SERTAD2: variants seen among roughly 807,000 people sequenced by gnomAD.
SERTAD2 encodes the protein SERTA domain-containing protein 2.
Under a neutral mutation model 15.4 loss-of-function variants are expected in SERTAD2, and 2 were observed. The ratio of observed to expected loss-of-function variants is 0.13; its 90% CI spans 0.05 to 0.41. The LOEUF (loss-of-function observed/expected upper bound fraction) is 0.41, where lower values mean the gene tolerates loss of function less well. Ranked by LOEUF, SERTAD2 falls within the 10% of genes least tolerant of loss-of-function variation. The pLI, the probability that SERTAD2 is intolerant of heterozygous loss-of-function variation, is 0.99. For missense variants in SERTAD2, 333 were observed against 409.7 expected (o/e 0.81, Z 1.62); for synonymous variants, 180 against 178.0 (o/e 1.01, Z -0.09).
In SERTAD2 at chr2:64,632,745, C is replaced by A. The variant is rs1674563862; in HGVS notation, c.*3182G>T. 2 of 152,604 alleles carry A rather than the reference C, an allele frequency of 1.3e-5. No individual in the cohort carries two copies. The highest frequency in any genetic ancestry group is 4.8e-5 in the African/African-American group (2 of 41,444). 9.5% of individuals were successfully genotyped at this position (152,604 alleles called of 1,614,324 possible). On this transcript the variant is annotated 3_prime_UTR_variant, in exon 2 of 2. Coordinates refer to ENST00000313349, the MANE Select transcript of SERTAD2 (RefSeq NM_014755.3). ...GACCTGGGGGCCTGGCTTGGACCCC[C>A]TTTTAATACAGATTTACATTCCTAC... is the stretch of plus-strand genomic sequence containing the variant.
intron 1 of SERTAD2, among the ~76,000 whole-genome samples, chr2:64,639,204 G>A (rs1447070672): frequency 6.6e-6 from 1 of 152,216 alleles, no homozygotes; most frequent in Admixed American, 6.5e-5. Flanking sequence ...TTCTCAAAGT[G>A]TGGCCACAGA....
At chr2:64,649,024 C>A (rs573030072) in intron 1 of SERTAD2, among the ~76,000 whole-genome samples, 1 of 152,134 alleles carries the variant, frequency 6.6e-6, no homozygotes, top group South Asian at 2.1e-4. Context: ...GATGTCCCCT[C>A]AAAGAAGGAA....
chr2:64,640,271 G>A (rs1218386102), intron 1 of SERTAD2, among the ~76,000 whole-genome samples: 1 of 152,202 alleles, frequency 6.6e-6, no homozygotes, highest in East Asian at 1.9e-4. Flanking sequence ...TCCTAGAGGG[G>A]GAGGGCAGTG....
chr2:64,641,525 G>C (rs74868360), intron 1 of SERTAD2, among the ~76,000 whole-genome samples: 1 of 152,182 alleles, frequency 6.6e-6, no homozygotes, highest in African/African-American at 2.4e-5. Context: ...TGTACCCTCA[G>C]CATAAGGTAG....
Position 64,636,303 on chromosome 2 carries a change from G to C in SERTAD2, c.569C>G (p.Thr190Arg), listed in dbSNP as rs760446863. The C allele has an allele frequency of 6.2e-7, 1 of 1,614,190 alleles. No individual in the cohort carries two copies. Among genetic ancestry groups the C allele is most frequent in the South Asian group, 1.1e-5 (1 of 91,086 alleles). Residue 190 changes from threonine to arginine, a missense_variant, in exon 2 of 2, where the codon ACG becomes AGG. Physicochemically the swap from Thr to Arg is moderately conservative, Grantham distance 71 (BLOSUM62 -1). Around this residue, in one of 2 missense-constraint regions of SERTAD2, gnomAD observed 332 missense variants for 392.9 expected, o/e 0.84. Coordinates refer to ENST00000313349, the MANE Select transcript of SERTAD2 (RefSeq NM_014755.3). ...CPTSTSTEAA[T>R]AATDSVKGTS... ...CCCTTTCACACTGTCAGTCGCAGCC[G>C]TGGCCGCCTCTGTGGAGGTAGATGT...
intron 1 of SERTAD2, among the ~76,000 whole-genome samples, chr2:64,649,552 G>A (rs1165004354): frequency 6.6e-6 from 1 of 152,158 alleles, no homozygotes; most frequent in African/African-American, 2.4e-5. Flanking sequence ...AGAATGCTTA[G>A]CTTCTTTTCA....
In SERTAD2 at chr2:64,632,430, A is replaced by T. The variant is rs1674554061; in HGVS notation, c.*3497T>A. 6.6e-6 allele frequency: 1 copy of T among 152,394 alleles called. No homozygotes were observed. The allele number at this position is 152,394 out of a possible 1,614,324, so 9.4% of individuals were successfully genotyped here. ...TGATTGACCTCAGGGCAGCTGGGGC[A>T]CTCCAAGGGGCTATGGCGATAAAAA... is the stretch of plus-strand genomic sequence containing the variant. On this transcript the variant is annotated 3_prime_UTR_variant, in exon 2 of 2. Transcript: ENST00000313349.
At chr2:64,649,945 G>T (rs186419340) in intron 1 of SERTAD2, among the ~76,000 whole-genome samples, 3 of 152,246 alleles carry the variant, frequency 2.0e-5, no homozygotes, top group African/African-American at 7.2e-5. Flanking sequence ...GTGTGCAAGT[G>T]TAAGAATAGG....
chr2:64,641,179 C>T (rs775092759), intron 1 of SERTAD2, among the ~76,000 whole-genome samples: 2 of 152,236 alleles, frequency 1.3e-5, no homozygotes, highest in African/African-American at 2.4e-5. Context: ...TGCAACTTTT[C>T]ATTAGGAAGG....
chr2:64,634,060 A>G lies in SERTAD2; in HGVS notation c.*1867T>C. ...GAAAGACCCAATTTTATCCATGGCA[A>G]GAAGTGAGCAGAATTGGTGACTGAA... On this transcript the variant is annotated 3_prime_UTR_variant, in exon 2 of 2. Coordinates refer to ENST00000313349, the MANE Select transcript of SERTAD2 (RefSeq NM_014755.3). 6.6e-6 allele frequency: 1 copy of G among 152,628 alleles called. No homozygotes were observed. The highest frequency in any genetic ancestry group is 1.5e-5 in the Non-Finnish European group (1 of 68,036). The allele number at this position is 152,628 out of a possible 1,614,324, so 9.5% of individuals were successfully genotyped here. A position where few individuals can be genotyped will look rare whatever the true frequency, so the allele number is the denominator to read the frequency against.
intron 1 of SERTAD2, among the ~76,000 whole-genome samples, chr2:64,649,302 G>A (rs1056546937): frequency 6.6e-6 from 1 of 152,214 alleles, no homozygotes; most frequent in African/African-American, 2.4e-5. Context: ...ATAAGCAGCC[G>A]GCCGGAGCAG....
At position 64,633,716 on chromosome 2, in the gene SERTAD2, G is replaced by A. The variant is rs1402626026; in HGVS notation, c.*2211C>T. The A allele has an allele frequency of 1.3e-5, 2 of 152,198 alleles. No individual in the cohort carries two copies. Among genetic ancestry groups the A allele is most frequent in the Non-Finnish European group, 2.9e-5 (2 of 68,042 alleles). 9.4% of individuals were successfully genotyped at this position (152,198 alleles called of 1,614,324 possible). On this transcript the variant is annotated 3_prime_UTR_variant, in exon 2 of 2. Coordinates refer to ENST00000313349, the MANE Select transcript of SERTAD2 (RefSeq NM_014755.3). ...CCCTCACCTCAGTTACATGGTCCCT[G>A]GTCCTATTAAAGGAAATGACACACC...
chr2:64,643,820 C>A (rs1056582988), intron 1 of SERTAD2, among the ~76,000 whole-genome samples: 2 of 152,044 alleles, frequency 1.3e-5, no homozygotes, highest in Non-Finnish European at 2.9e-5. Context: ...GAGCCGAGAT[C>A]GCGCCACTGC....
chr2:64,646,148 C>CA (rs561586361), intron 1 of SERTAD2, among the ~76,000 whole-genome samples: 54 of 24,156 alleles, frequency 2.2e-3, no homozygotes, highest in Non-Finnish European at 1.5e-3. Context: ...AACAAACAAA[C>CA]AAAAAAAAAC....
intron 1 of SERTAD2, among the ~76,000 whole-genome samples, chr2:64,651,114 T>C (rs1219616914): frequency 6.6e-6 from 1 of 152,222 alleles, no homozygotes; most frequent in African/African-American, 2.4e-5. Flanking sequence ...ATATATAGCT[T>C]TTTCCACAGG....
At chr2:64,644,072 T>C (rs1674842373) in intron 1 of SERTAD2, among the ~76,000 whole-genome samples, 1 of 152,060 alleles carries the variant, frequency 6.6e-6, no homozygotes, top group East Asian at 1.9e-4. Context: ...ACCCACCTCT[T>C]TGGAAGAAAA....
intron 1 of SERTAD2, among the ~76,000 whole-genome samples, chr2:64,638,676 TC>T (rs1191177039): frequency 7.1e-6 from 1 of 141,250 alleles, no homozygotes; most frequent in African/African-American, 2.7e-5. Context: ...ACATTTCCCC[TC>T]ATTTTGTTAA....
chr2:64,646,119 T>G (rs1364099181), intron 1 of SERTAD2, among the ~76,000 whole-genome samples: 1 of 144,320 alleles, frequency 6.9e-6, no homozygotes, highest in Non-Finnish European at 1.5e-5. Context: ...TGCCTGGAAT[T>G]TGCTTTAAAA....
intron 1 of SERTAD2, among the ~76,000 whole-genome samples, chr2:64,645,147 T>C (rs1169538424): frequency 6.6e-6 from 1 of 151,786 alleles, no homozygotes; most frequent in Non-Finnish European, 1.5e-5. Context: ...AAATCAGCAA[T>C]GTAATTATAA....
Sources: gnomAD v4.1 joint callset for allele counts (sites outside exome capture counted in the v4.1 genomes callset) on GRCh38, gnomAD v4.1.1 for gene constraint, gnomAD v4.1.1 regional missense constraint, MANE v1.5 for transcripts, NCBI Gene and HGNC (gene_info 2026-07-23, HGNC 2026-07-21) for gene names.